Variants in SESN1 observed in about 807,000 individuals in gnomAD.
The protein encoded by SESN1 is sestrin 1.
Under a neutral mutation model 59.3 loss-of-function variants are expected in SESN1, and 30 were observed. That is an observed-to-expected ratio of 0.51 (90% confidence interval 0.38 to 0.69). The LOEUF (loss-of-function observed/expected upper bound fraction) is 0.69. Among genes scored for constraint, SESN1 ranks in the 30% least tolerant of loss-of-function variants. The pLI, the probability that SESN1 is intolerant of heterozygous loss-of-function variation, is 0.00. For synonymous variants in SESN1, 197 were observed against 219.9 expected (o/e 0.90, Z 0.92); for missense variants, 566 against 673.0 (o/e 0.84, Z 1.76).
rs1779790230 is a variant in SESN1, at chr6:109,008,814, C to T, written c.280-6471G>A. The T allele has an allele frequency of 5.1e-6, 5 of 985,498 alleles. No homozygotes were observed. The African/African-American group carries it at 7.0e-5, about 14-fold the overall frequency. The allele number at this position is 985,498 out of a possible 1,614,324, so 61.0% of individuals were successfully genotyped here. ...ACGCAAGAGTAAACGCTGTGCATAACGTCATAGAGCTTGCAGGACACACTT... is the reference window on the plus strand; with the variant it reads ...ACGCAAGAGTAAACGCTGTGCATAATGTCATAGAGCTTGCAGGACACACTT... On this transcript the variant is annotated intron_variant, in intron 1 of 9. Transcript: ENST00000436639.
At chr6:109,062,917 T>C (rs1416411882) in intron 1 of SESN1, among the ~76,000 whole-genome samples, 3 of 152,196 alleles carry the variant, frequency 2.0e-5, no homozygotes, top group African/African-American at 7.2e-5. Context: ...TATACTGTAC[T>C]GTTGGTAAGT....
At chr6:108,993,650 T>C (rs951919115) in intron 6 of SESN1, among the ~76,000 whole-genome samples, 4 of 152,190 alleles carry the variant, frequency 2.6e-5, no homozygotes, top group African/African-American at 9.7e-5. Context: ...TTATATATTA[T>C]CTCCTGTAGC....
chr6:109,009,381 C>T, intron 1 of SESN1: 1 of 1,468,602 alleles, frequency 6.8e-7, no homozygotes, highest in Non-Finnish European at 9.0e-7. Context: ...GCGGCCCCCG[C>T]CGCACTGCTT....
At chr6:109,072,920 C>CA (rs1460308525) in intron 1 of SESN1, among the ~76,000 whole-genome samples, 3 of 150,314 alleles carry the variant, frequency 2.0e-5, no homozygotes, top group Non-Finnish European at 3.0e-5. Context: ...AATAAAATGG[C>CA]AAAGATATTT....
intron 1 of SESN1, among the ~76,000 whole-genome samples, chr6:109,069,816 C>G (rs1161708358): frequency 1.3e-5 from 2 of 152,148 alleles, no homozygotes; most frequent in African/African-American, 4.8e-5. Context: ...CCTCAGCCTT[C>G]TAAAGTGCTG....
intron 1 of SESN1, among the ~76,000 whole-genome samples, chr6:109,035,945 A>T (rs1780242217): frequency 6.6e-6 from 1 of 152,040 alleles, no homozygotes; most frequent in African/African-American, 2.4e-5. Flanking sequence ...TCATTACTAA[A>T]CTTCTGTAAC....
At chr6:109,043,946 G>A (rs1229090614) in intron 1 of SESN1, among the ~76,000 whole-genome samples, 3 of 152,058 alleles carry the variant, frequency 2.0e-5, no homozygotes, top group Non-Finnish European at 4.4e-5. Context: ...ATTGGTGAAA[G>A]GACAGATACA....
At chr6:109,044,933 G>T (rs908734105) in intron 1 of SESN1, among the ~76,000 whole-genome samples, 3 of 151,930 alleles carry the variant, frequency 2.0e-5, no homozygotes, top group Non-Finnish European at 4.4e-5. Flanking sequence ...TGAGGCAAGA[G>T]AATCGGTTGA....
chr6:109,027,995 T>G (rs1213725853), intron 1 of SESN1, among the ~76,000 whole-genome samples: 4 of 152,090 alleles, frequency 2.6e-5, no homozygotes, highest in Non-Finnish European at 4.4e-5. Context: ...TAAATTTTAT[T>G]TCAGTCTGTG....
chr6:109,052,956 ATAAAGTAATTGAAAGTTG>A (rs1224811313), intron 1 of SESN1, among the ~76,000 whole-genome samples: 1 of 152,162 alleles, frequency 6.6e-6, no homozygotes, highest in East Asian at 1.9e-4. Context: ...CAAACAATCA[ATAAAGTAATTGAAAGTTG>A]TAAATGTTAG....
intron 1 of SESN1, among the ~76,000 whole-genome samples, chr6:109,082,230 CTT>C (rs1332705039): frequency 1.3e-5 from 2 of 152,136 alleles, no homozygotes; most frequent in African/African-American, 4.8e-5. Flanking sequence ...TAGCTTAAAA[CTT>C]TCTCAGTTGG....
At chr6:109,011,232 C>A (rs2114347455) in intron 1 of SESN1, among the ~76,000 whole-genome samples, 1 of 152,302 alleles carries the variant, frequency 6.6e-6, no homozygotes, top group South Asian at 2.1e-4. Context: ...CTGCTAACTG[C>A]ATGCATATAG....
In SESN1 at chr6:109,084,480, G is replaced by A. The variant is rs114976583; in HGVS notation, c.279+9315C>T. On this transcript the variant is annotated intron_variant, in intron 1 of 9. Transcript: ENST00000436639. ...GAGGCAGGAGAATCGTTTGAACCCT[G>A]AGGGGGAGGCTGCAGTGAGCTGAAA... Among the ~76,000 whole-genome samples, 1,191 of 152,248 alleles carry A rather than the reference G, an allele frequency of 7.8e-3. 21 individuals are homozygous for A. The highest frequency in any genetic ancestry group is 0.027 in the African/African-American group (1,141 of 41,544).
intron 9 of SESN1, among the ~76,000 whole-genome samples, chr6:108,988,156 T>C (rs1779251663): frequency 6.6e-6 from 1 of 152,216 alleles, no homozygotes; most frequent in Non-Finnish European, 1.5e-5. Context: ...TGGAGGTTTG[T>C]TACATGTCAG....
intron 1 of SESN1, among the ~76,000 whole-genome samples, chr6:109,093,281 T>TA (rs1425127284): frequency 1.8e-4 from 27 of 152,304 alleles, no homozygotes; most frequent in African/African-American, 6.0e-4. Context: ...ATGAAGATAT[T>TA]AGCTTCTTTT....
At chr6:109,062,197 C>T (rs66670343) in intron 1 of SESN1, among the ~76,000 whole-genome samples, 11,052 of 152,222 alleles carry the variant, frequency 0.073, 928 homozygotes, top group African/African-American at 0.2. Context: ...GCCTGGAAGG[C>T]ATTCTTGAGG....
intron 1 of SESN1, among the ~76,000 whole-genome samples, chr6:109,087,081 A>C (rs1781225081): frequency 6.6e-6 from 1 of 152,360 alleles, no homozygotes; most frequent in African/African-American, 2.4e-5. Context: ...CAGTGAGCCA[A>C]GATCGTGCCA....
At chr6:109,008,691 C>G (rs1779787705) in intron 1 of SESN1, 1 of 771,358 alleles carries the variant, frequency 1.3e-6, no homozygotes, top group African/African-American at 1.9e-5. Context: ...TAGTAACTTT[C>G]AAATGGTTTC....
intron 5 of SESN1, 57 bp from the exon 6 acceptor site, chr6:108,994,666 A>T: frequency 2.7e-6 from 3 of 1,112,142 alleles, no homozygotes; most frequent in African/African-American, 1.6e-5. Flanking sequence ...TATATGAATT[A>T]TCTTTTAAGT....
Sources: allele counts gnomAD v4.1 joint callset (sites outside exome capture counted in the v4.1 genomes callset), GRCh38; gene constraint gnomAD v4.1.1; transcripts MANE v1.5; gene names NCBI Gene and HGNC (gene_info 2026-07-23, HGNC 2026-07-21).